MAPK6: variants seen among roughly 807,000 people sequenced by gnomAD.
MAPK6 encodes the protein mitogen-activated protein kinase 6, also known as ERK-3.
Under a neutral mutation model 59.3 loss-of-function variants are expected in MAPK6, and 19 were observed. The ratio of observed to expected loss-of-function variants is 0.32; its 90% CI spans 0.22 to 0.47. The LOEUF is 0.47. MAPK6 is among the 20% of genes least tolerant of loss of function. MAPK6 has a pLI of 1.00. For missense variants in MAPK6, 724 were observed against 847.9 expected (o/e 0.85, Z 1.81); for synonymous variants, 316 against 290.3 (o/e 1.09, Z -0.90).
chr15:52,002,525 G>A (rs1038764943), intron 2 of MAPK6, among the ~76,000 whole-genome samples: 7 of 152,166 alleles, frequency 4.6e-5, no homozygotes, highest in Admixed American at 1.3e-4. Context: ...CCTTGGGATC[G>A]ACATCTGTGA....
chr15:52,000,297 G>C (rs1030978384), intron 2 of MAPK6, among the ~76,000 whole-genome samples: 1 of 152,122 alleles, frequency 6.6e-6, no homozygotes, highest in African/African-American at 2.4e-5. Flanking sequence ...TTTATATGAA[G>C]TCCAAGTTAC....
chr15:51,984,236 G>A (rs2057183152), intron 2 of MAPK6, among the ~76,000 whole-genome samples: 2 of 152,042 alleles, frequency 1.3e-5, no homozygotes, highest in African/African-American at 4.8e-5. Context: ...ATATATTGTT[G>A]AATCACTAAA....
chr15:51,998,531 C>CT (rs1450928310), intron 2 of MAPK6, among the ~76,000 whole-genome samples: 7 of 124,958 alleles, frequency 5.6e-5, no homozygotes, highest in Non-Finnish European at 8.4e-5. Flanking sequence ...TCCCCTCTCT[C>CT]TTTTTTTTGA....
At chr15:51,986,854 AGCCCT>A (rs1420894230) in intron 2 of MAPK6, among the ~76,000 whole-genome samples, 1 of 152,196 alleles carries the variant, frequency 6.6e-6, no homozygotes, top group Non-Finnish European at 1.5e-5. Flanking sequence ...CTATTATGAC[AGCCCT>A]TTACTCCCTC....
chr15:52,047,825 A>G (rs2031643079), intron 2 of MAPK6, among the ~76,000 whole-genome samples: 1 of 152,146 alleles, frequency 6.6e-6, no homozygotes, highest in Admixed American at 6.6e-5. Context: ...TGTACTATTC[A>G]GTTCTGCTTT....
chr15:52,058,102 A>C (rs181504438), intron 3 of MAPK6, among the ~76,000 whole-genome samples: 96 of 152,332 alleles, frequency 6.3e-4, no homozygotes, highest in African/African-American at 2.3e-3. Context: ...CAGCAAATGG[A>C]ATTTTTAAAA....
chr15:52,002,265 C>A (rs1011319878), intron 2 of MAPK6, among the ~76,000 whole-genome samples: 2 of 152,198 alleles, frequency 1.3e-5, no homozygotes, highest in Non-Finnish European at 2.9e-5. Flanking sequence ...CATTGGTATA[C>A]AATCCCAGTT....
chr15:52,015,224 C>T (rs1156776465), upstream of MAPK6, among the ~76,000 whole-genome samples: 6 of 152,106 alleles, frequency 3.9e-5, no homozygotes, highest in African/African-American at 1.2e-4. Flanking sequence ...TGGTCTCAAA[C>T]TCCTAACCTC....
intron 3 of MAPK6, 151 bp downstream of exon 3, chr15:52,050,288 G>C: frequency 1.5e-6 from 1 of 685,022 alleles, no homozygotes. Context: ...TAAAAAAATT[G>C]AGAAAACTTA....
intron 1 of MAPK6, among the ~76,000 whole-genome samples, chr15:51,979,540 C>A (rs2057166829): frequency 6.6e-6 from 1 of 151,716 alleles, no homozygotes; most frequent in Non-Finnish European, 1.5e-5. Flanking sequence ...TGCCTGTAAT[C>A]CTAGCACTTT....
intron 1 of MAPK6, among the ~76,000 whole-genome samples, chr15:51,982,659 T>A (rs1041079756): frequency 6.6e-5 from 10 of 152,168 alleles, no homozygotes; most frequent in African/African-American, 2.4e-4. Context: ...TGAGGCAGTG[T>A]TTTTTCGTGT....
At chr15:52,018,884 A>C (rs2030359217), upstream of MAPK6, 1 of 152,562 alleles carries the variant, frequency 6.6e-6, no homozygotes. Context: ...CTGGAGACTG[A>C]GGCCTCTTCC....
chr15:51,998,759 C>G (rs576026472), intron 2 of MAPK6, among the ~76,000 whole-genome samples: 1 of 122,056 alleles, frequency 8.2e-6, no homozygotes, highest in Non-Finnish European at 1.6e-5. Context: ...GGCGCAATCT[C>G]GGCCCACTGC....
At chr15:52,043,297 T>C (rs78915129) in intron 1 of MAPK6, among the ~76,000 whole-genome samples, 15,375 of 152,204 alleles carry the variant, frequency 0.1, 1,200 homozygotes, top group East Asian at 0.4. Flanking sequence ...TTTTTATTTT[T>C]TATTTATTCA....
In MAPK6 at chr15:51,976,331, A is replaced by G. The variant is rs1050209752; in HGVS notation, c.-880+4425A>G. On this transcript the variant is annotated intron_variant, in intron 1 of 7. Transcript: ENST00000691380. ...GTAGAGGTACTAAAAATTGAAAGCC[A>G]GAAAATGATCAGTGAAGATGGGGGT... 1.3e-5 allele frequency among the ~76,000 whole-genome samples: 2 copies of G among 151,476 alleles called. 1 individual carries two copies. Among genetic ancestry groups the G allele is most frequent in the Admixed American group, 1.3e-4 (2 of 15,214 alleles).
At chr15:51,981,366 C>T (rs938357371) in intron 1 of MAPK6, among the ~76,000 whole-genome samples, 4 of 151,040 alleles carry the variant, frequency 2.6e-5, no homozygotes, top group East Asian at 3.9e-4. Context: ...CCAGCTACTC[C>T]GGAGGCTGAG....
At chr15:51,986,298 T>G (rs1384656131) in intron 2 of MAPK6, among the ~76,000 whole-genome samples, 1 of 152,150 alleles carries the variant, frequency 6.6e-6, no homozygotes, top group Admixed American at 6.5e-5. Flanking sequence ...GGGATTACAA[T>G]TCAACATGAG....
At chr15:52,054,549 A>T (rs1319766769) in intron 3 of MAPK6, among the ~76,000 whole-genome samples, 2 of 152,180 alleles carry the variant, frequency 1.3e-5, no homozygotes, top group Non-Finnish European at 1.5e-5. Context: ...CAAAAGTTAC[A>T]TACTGTCAAC....
intron 3 of MAPK6, among the ~76,000 whole-genome samples, chr15:52,054,253 A>G (rs2031883742): frequency 6.6e-6 from 1 of 151,780 alleles, no homozygotes; most frequent in African/African-American, 2.4e-5. Context: ...CTACAATCCC[A>G]GCTACTCGGG....
Sources: allele counts gnomAD v4.1 joint callset (sites outside exome capture counted in the v4.1 genomes callset), GRCh38; gene constraint gnomAD v4.1.1; transcripts MANE v1.5; gene names NCBI Gene and HGNC (gene_info 2026-07-23, HGNC 2026-07-21).